Variants in NBAS observed in about 807,000 individuals in gnomAD.
NBAS encodes the protein NBAS subunit of NRZ tethering complex, also known as NAG/BC035112 fusion.
A neutral mutation model predicts 302.5 loss-of-function variants in NBAS; 219 were observed. The observed-to-expected ratio is 0.72, with a 90% CI of 0.65 to 0.81. NBAS has a LOEUF of 0.81. NBAS is among the 30% of genes least tolerant of loss of function. The pLI, the probability that NBAS is intolerant of heterozygous loss-of-function variation, is 0.00. For synonymous variants in NBAS, 1,118 were observed against 1,021.6 expected (o/e 1.09, Z -1.80); for missense variants, 2,932 against 2,841.6 (o/e 1.03, Z -0.72).
At chr2:15,557,206 T>C (rs948747288) in intron 2 of NBAS, among the ~76,000 whole-genome samples, 2 of 152,176 alleles carry the variant, frequency 1.3e-5, no homozygotes, top group Middle Eastern at 3.2e-3. Context: ...TTACACTTTA[T>C]AGCAAAGATT....
the NBAS span, among the ~76,000 whole-genome samples, chr2:14,889,004 C>A: frequency 2.0e-5 from 3 of 152,188 alleles, no homozygotes; most frequent in Non-Finnish European, 4.4e-5. Context: ...CTGTTCGGAA[C>A]TCCCTTTTTG....
At chr2:15,197,475 T>A (rs186189075) in intron 48 of NBAS, among the ~76,000 whole-genome samples, 1 of 152,318 alleles carries the variant, frequency 6.6e-6, no homozygotes, top group East Asian at 1.9e-4. Context: ...TAACTGAGCA[T>A]CTACTTTTTT....
At chr2:15,213,238 T>C (rs1356236236) in intron 48 of NBAS, among the ~76,000 whole-genome samples, 1 of 152,238 alleles carries the variant, frequency 6.6e-6, no homozygotes, top group Non-Finnish European at 1.5e-5. Context: ...CCCTAGAGTG[T>C]AGCACAGTGC....
At chr2:15,116,187 G>A in the NBAS span, among the ~76,000 whole-genome samples, 221 of 152,268 alleles carry the variant, frequency 1.5e-3, 2 homozygotes, top group Middle Eastern at 3.4e-3. Flanking sequence ...TTTGCTCTTC[G>A]TTGATGGGGA....
the NBAS span, among the ~76,000 whole-genome samples, chr2:15,140,128 C>T: frequency 6.6e-6 from 1 of 152,220 alleles, no homozygotes; most frequent in Non-Finnish European, 1.5e-5. Flanking sequence ...CAAGTAGCCA[C>T]ATAGAGAGGC....
At chr2:15,171,101 T>G (rs971031738) in intron 51 of NBAS, among the ~76,000 whole-genome samples, 4 of 152,226 alleles carry the variant, frequency 2.6e-5, no homozygotes, top group Non-Finnish European at 4.4e-5. Context: ...TCTCTGACCA[T>G]GCATTATTCA....
the NBAS span, among the ~76,000 whole-genome samples, chr2:14,912,843 T>C: frequency 6.6e-6 from 1 of 152,130 alleles, no homozygotes; most frequent in African/African-American, 2.4e-5. Context: ...CTATTCTATA[T>C]CCTGGTTTGT....
rs1429936720 is a variant in NBAS, at chr2:15,171,579, T to C, written c.6841-4256A>G. Among the ~76,000 whole-genome samples, 6 of 152,230 alleles carry C rather than the reference T, an allele frequency of 3.9e-5. No homozygotes were observed. The East Asian group carries it at 5.8e-4, about 15-fold the overall frequency. ...ACTACCATGAATGTTTTTTTGCACA[T>C]ACTTTCTTCTTCATCGAAATTATCG... On this transcript the variant is annotated intron_variant, in intron 51 of 51. Transcript: ENST00000281513.
At chr2:15,006,762 A>C in the NBAS span, among the ~76,000 whole-genome samples, 1 of 152,232 alleles carries the variant, frequency 6.6e-6, no homozygotes, top group Admixed American at 6.5e-5. Flanking sequence ...TGTTCAAAGA[A>C]GCCAACTGGT....
intron 9 of NBAS, among the ~76,000 whole-genome samples, chr2:15,522,221 A>G (rs1356769784): frequency 2.6e-5 from 4 of 152,212 alleles, no homozygotes; most frequent in Non-Finnish European, 4.4e-5. Flanking sequence ...CAACTTGATA[A>G]GTAAATTGGG....
chr2:14,849,371 G>T, the NBAS span, among the ~76,000 whole-genome samples: 3 of 150,162 alleles, frequency 2.0e-5, no homozygotes, highest in Non-Finnish European at 4.5e-5. Flanking sequence ...GAGAAGGGAA[G>T]TTTAGAGAAA....
intron 25 of NBAS, among the ~76,000 whole-genome samples, chr2:15,404,712 C>G (rs1676326191): frequency 6.6e-6 from 1 of 151,832 alleles, no homozygotes; most frequent in Non-Finnish European, 1.5e-5. Flanking sequence ...GGACTTTCAC[C>G]ATGTTGGCCA....
intron 27 of NBAS, among the ~76,000 whole-genome samples, chr2:15,395,223 A>G (rs1675810253): frequency 6.6e-6 from 1 of 152,070 alleles, no homozygotes; most frequent in African/African-American, 2.4e-5. Context: ...TTACAACCAG[A>G]CATGTGATGA....
chr2:15,211,666 T>C (rs1558441100), intron 48 of NBAS, among the ~76,000 whole-genome samples: 1 of 152,210 alleles, frequency 6.6e-6, no homozygotes. Context: ...CTAAAGATCA[T>C]CACTGCTGAG....
At chr2:15,552,507 G>A (rs987687680) in intron 5 of NBAS, among the ~76,000 whole-genome samples, 1 of 152,114 alleles carries the variant, frequency 6.6e-6, no homozygotes, top group Non-Finnish European at 1.5e-5. Context: ...TTAATGAACA[G>A]TAAATATATT....
At chr2:15,558,509 C>A in intron 2 of NBAS, 71 bp downstream of exon 2, 1 of 1,220,486 alleles carries the variant, frequency 8.2e-7, no homozygotes, top group African/African-American at 1.5e-5. Flanking sequence ...TTAGGCTCCA[C>A]ATCAGAAGTC....
At chr2:15,385,935 C>G (rs115161558) in intron 28 of NBAS, among the ~76,000 whole-genome samples, 1 of 152,126 alleles carries the variant, frequency 6.6e-6, no homozygotes, top group Non-Finnish European at 1.5e-5. Flanking sequence ...GCAGCAATTG[C>G]AATGCTTTCC....
At chr2:15,057,358 A>G in the NBAS span, among the ~76,000 whole-genome samples, 3 of 149,086 alleles carry the variant, frequency 2.0e-5, no homozygotes, top group East Asian at 3.9e-4. Flanking sequence ...GATTGGGCAG[A>G]AGAGAGAGAG....
At chr2:15,372,905 A>T (rs1485032812) in intron 31 of NBAS, among the ~76,000 whole-genome samples, 1 of 152,196 alleles carries the variant, frequency 6.6e-6, no homozygotes, top group Non-Finnish European at 1.5e-5. Flanking sequence ...GGACTGTAAG[A>T]AAATGTTTTG....
Sources: allele counts gnomAD v4.1 joint callset (sites outside exome capture counted in the v4.1 genomes callset), GRCh38; gene constraint gnomAD v4.1.1; transcripts MANE v1.5; gene names NCBI Gene and HGNC (gene_info 2026-07-23, HGNC 2026-07-21).